The following TMEM106C variants were observed in gnomAD, a reference collection of about 807,000 sequenced individuals.
TMEM106C encodes the protein endoplasmic reticulum membrane protein overexpressed in cancer.
Under a neutral mutation model 30.8 loss-of-function variants are expected in TMEM106C, and 27 were observed. That is an observed-to-expected ratio of 0.88 (90% CI 0.65 to 1.21). The LOEUF is 1.21. Among genes scored for constraint, TMEM106C ranks in the 50% most tolerant of loss-of-function variants. The probability of loss-of-function intolerance (pLI) is 0.00; values close to 1 mark genes in which losing one functional copy is unlikely to be tolerated. For synonymous variants in TMEM106C, 123 were observed against 118.8 expected (o/e 1.04, Z -0.23); for missense variants, 288 against 307.8 (o/e 0.94, Z 0.48).
chr12:47,967,911 T>A (rs1938292176), intron 7 of TMEM106C, among the ~76,000 whole-genome samples: 1 of 152,038 alleles, frequency 6.6e-6, no homozygotes. Context: ...TGGGGTAAAA[T>A]CATTCTCGAT....
rs770823532 is a variant in TMEM106C at position 47,965,848 on chromosome 12, GTCC to G, written c.267_269del (p.Leu90del). ...CTGTGTCATTTGCAGTAAGCAATAT[GTCC>G]TCCTGTCCATCCTGCTTTGTCTCCT... is the stretch of plus-strand genomic sequence containing the variant. On this transcript the variant is annotated inframe_deletion, in exon 4 of 8. Coordinates refer to ENST00000429772, the MANE Select transcript of TMEM106C (RefSeq NM_001143842.2). The G allele has an allele frequency of 2.0e-5, 33 of 1,614,068 alleles. No homozygotes were observed. The highest frequency in any genetic ancestry group is 1.3e-4 in the Admixed American group (8 of 60,004).
chr12:47,964,149 A>G lies in TMEM106C; in HGVS notation c.-28-60A>G. The stretch of plus-strand genomic sequence containing the variant: ...GCGTTTTTAATTTTCTTATAGAAAC[A>G]AGCGATTTCTGTCGTGATTCACTGG... On this transcript the variant is annotated intron_variant, in intron 1 of 7. Transcript: ENST00000429772. 2.1e-6 allele frequency: 3 copies of G among 1,441,750 alleles called. No individual in the cohort carries two copies. In the South Asian group the frequency reaches 3.8e-5, roughly 18 times the overall value. 89.3% of individuals were successfully genotyped at this position (1,441,750 alleles called of 1,614,324 possible). A position where few individuals can be genotyped will look rare whatever the true frequency, so the allele number is the denominator to read the frequency against.
At position 47,965,422 on chromosome 12, in the gene TMEM106C, T is replaced by C. The variant is rs896080860; in HGVS notation, c.251+77T>C. 3.0e-6 allele frequency: 4 copies of C among 1,330,542 alleles called. No homozygotes were observed. In the African/African-American group the frequency reaches 4.4e-5, roughly 15 times the overall value. The allele number at this position is 1,330,542 out of a possible 1,614,324, so 82.4% of individuals were successfully genotyped here. A position where few individuals can be genotyped will look rare whatever the true frequency, so the allele number is the denominator to read the frequency against. Reference sequence around the variant, plus strand: ...TTCTGTATGTATGAATGCCAGTTAATTCTTTGAAAACTACACATGTTCTTA... The same window carrying C: ...TTCTGTATGTATGAATGCCAGTTAACTCTTTGAAAACTACACATGTTCTTA... On this transcript the variant is annotated intron_variant, in intron 3 of 7. Transcript: ENST00000429772.
chr12:47,964,479 C>T, intron 2 of TMEM106C, 56 bp downstream of exon 2: 1 of 1,570,842 alleles, frequency 6.4e-7, no homozygotes, highest in Non-Finnish European at 8.7e-7. Context: ...TCGGAGTTCT[C>T]CTGTCTGCCC....
chr12:47,964,592 T>G, intron 2 of TMEM106C, 169 bp downstream of exon 2: 1 of 616,156 alleles, frequency 1.6e-6, no homozygotes, highest in Non-Finnish European at 2.9e-6. Context: ...GCAACTTCTC[T>G]TCCTCTCCTT....
At position 47,968,713 on chromosome 12, in the gene TMEM106C, T is replaced by C. The variant is rs1938332416; in HGVS notation, c.*484T>C. 1 of 160,678 alleles carries C rather than the reference T, an allele frequency of 6.2e-6. No homozygotes were observed. The highest frequency in any genetic ancestry group is 2.4e-5 in the African/African-American group (1 of 41,214). The allele number at this position is 160,678 out of a possible 1,614,324, so 10.0% of individuals were successfully genotyped here. On this transcript the variant is annotated 3_prime_UTR_variant, in exon 8 of 8. Coordinates refer to ENST00000429772, the MANE Select transcript of TMEM106C (RefSeq NM_001143842.2). The stretch of plus-strand genomic sequence containing the variant: ...TTTGTTTCAGCTGTTCCCAAAGGCC[T>C]GGGAGCTTTTTGAAAAGAAAGAAAA...
chr12:47,967,360 G>A (rs1938273174), intron 7 of TMEM106C, 99 bp downstream of exon 7: 1 of 1,221,360 alleles, frequency 8.2e-7, no homozygotes, highest in Non-Finnish European at 1.2e-6. Context: ...GAGGCACCTA[G>A]CCCGAGGGGA....
At position 47,964,226 on chromosome 12, in the gene TMEM106C, A is replaced by G. The variant is rs774564180; in HGVS notation, c.-11A>G. 1 of 1,611,240 alleles carries G rather than the reference A, an allele frequency of 6.2e-7. No individual in the cohort carries two copies. Among genetic ancestry groups the G allele is most frequent in the East Asian group, 2.2e-5 (1 of 44,834 alleles). On this transcript the variant is annotated 5_prime_UTR_variant, in exon 2 of 8. Transcript: ENST00000429772. ...CATCTTAGGACATGACACCAGTGGC[A>G]TATCACGGCCATGGGGTCTCAGCAT...
rs751215068 is a variant in TMEM106C at position 47,964,428 on chromosome 12, T to C, written c.187+5T>C. 3.7e-6 allele frequency: 6 copies of C among 1,613,646 alleles called. No homozygotes were observed. Among genetic ancestry groups the C allele is most frequent in the Admixed American group, 1.7e-5 (1 of 59,970 alleles). ...GGACAGGCTACATTCCAACAGGTGA[T>C]CATGGAGGGATGATTCCCTGATGAG... On this transcript the variant is annotated splice_donor_5th_base_variant and intron_variant, in intron 2 of 7. Transcript: ENST00000429772.
In TMEM106C at chr12:47,966,743, T is replaced by C. The variant is rs1592186540; in HGVS notation, c.602+11T>C. On this transcript the variant is annotated intron_variant, in intron 6 of 7. Transcript: ENST00000429772. ...GTTTTCCTATGTGTAGTAAGGACACTGTTCTCTCTGTGTGTGCTCTCTACT... is the reference window on the plus strand; with the variant it reads ...GTTTTCCTATGTGTAGTAAGGACACCGTTCTCTCTGTGTGTGCTCTCTACT... 1 of 1,613,880 alleles carries C rather than the reference T, an allele frequency of 6.2e-7. No individual in the cohort carries two copies. Among genetic ancestry groups the C allele is most frequent in the East Asian group, 2.2e-5 (1 of 44,876 alleles).
intron 7 of TMEM106C, 107 bp from the exon 8 acceptor site, chr12:47,968,026 G>C (rs1565659601): frequency 2.7e-6 from 2 of 727,866 alleles, no homozygotes; most frequent in East Asian, 5.3e-5. Flanking sequence ...TGTGCCTGGG[G>C]CCCGTGGGTA....
rs1938238596 is a variant in TMEM106C at position 47,966,741 on chromosome 12, A to G, written c.602+9A>G. On this transcript the variant is annotated intron_variant, in intron 6 of 7. Coordinates refer to ENST00000429772, the MANE Select transcript of TMEM106C (RefSeq NM_001143842.2). The stretch of plus-strand genomic sequence containing the variant: ...CCGTTTTCCTATGTGTAGTAAGGAC[A>G]CTGTTCTCTCTGTGTGTGCTCTCTA... The G allele has an allele frequency of 2.5e-6, 4 of 1,614,028 alleles. No individual in the cohort carries two copies. The highest frequency in any genetic ancestry group is 3.4e-6 in the Non-Finnish European group (4 of 1,179,898).
intron 2 of TMEM106C, 58 bp downstream of exon 2, chr12:47,964,481 T>C: frequency 6.4e-7 from 1 of 1,569,468 alleles, no homozygotes; most frequent in Non-Finnish European, 8.7e-7. Context: ...GGAGTTCTCC[T>C]GTCTGCCCAG....
At chr12:47,967,349 AGAGGCACC>A in intron 7 of TMEM106C, 88 bp downstream of exon 7, 1 of 1,353,644 alleles carries the variant, frequency 7.4e-7, no homozygotes, top group Non-Finnish European at 1.1e-6. Context: ...ACCACAGGGC[AGAGGCACC>A]TAGCCCGAGG....
At chr12:47,966,455 G>A in intron 5 of TMEM106C, 1 of 697,112 alleles carries the variant, frequency 1.4e-6, no homozygotes, top group South Asian at 2.0e-5. Context: ...ACAAAGATTT[G>A]CTACAAAATA....
intron 4 of TMEM106C, 38 bp downstream of exon 4, chr12:47,966,035 G>A (rs774802882): frequency 1.2e-6 from 2 of 1,614,160 alleles, no homozygotes; most frequent in South Asian, 2.2e-5. Context: ...TTGTGCACCT[G>A]CCAGGCTGGG....
At chr12:47,967,297 G>A in intron 7 of TMEM106C, 36 bp downstream of exon 7, 1 of 1,611,618 alleles carries the variant, frequency 6.2e-7, no homozygotes, top group Non-Finnish European at 8.5e-7. Context: ...GGCCTGTCCG[G>A]CCATGTGAGC....
At chr12:47,966,884 T>C in intron 6 of TMEM106C, 152 bp downstream of exon 6, 2 of 737,194 alleles carry the variant, frequency 2.7e-6, no homozygotes, top group Non-Finnish European at 4.6e-6. Context: ...ATTTGAAGAA[T>C]GTATTATTAT....
In TMEM106C at chr12:47,965,992, A is replaced by G. The variant is rs1565658340; in HGVS notation, c.406A>G (p.Ile136Val). 2 of 1,614,100 alleles carry G rather than the reference A, an allele frequency of 1.2e-6. No individual in the cohort carries two copies. The highest frequency in any genetic ancestry group is 1.3e-5 in the African/African-American group (1 of 74,928). Reference sequence around the variant, plus strand: ...GCAAGACTCCCTTGTAATTCTCACCATCATGGTAAGCCTTAGGGTTTCATT... The same window carrying G: ...GCAAGACTCCCTTGTAATTCTCACCGTCATGGTAAGCCTTAGGGTTTCATT... ...NKQDSLVILT[I>V]MATLKIRNSN... is the part of the protein sequence containing the mutation. The change falls in exon 4 of 8, where the codon ATC (isoleucine) becomes GTC (valine). Residue 136 changes from isoleucine (I) to valine (V), a missense_variant. Physicochemically the swap from Ile to Val is conservative, Grantham distance 29. Transcript: ENST00000429772.
Sources: gnomAD v4.1 joint callset for allele counts (sites outside exome capture counted in the v4.1 genomes callset) on GRCh38, gnomAD v4.1.1 for gene constraint, MANE v1.5 for transcripts, NCBI Gene and HGNC (gene_info 2026-07-23, HGNC 2026-07-21) for gene names.